POLR3C: variants seen among roughly 807,000 people sequenced by gnomAD.
POLR3C encodes the protein DNA-directed RNA polymerase III subunit RPC3.
In POLR3C, 44 loss-of-function variants were observed where a neutral mutation model predicts 65.9. The observed-to-expected ratio is 0.67, with a 90% CI of 0.52 to 0.86. The LOEUF (loss-of-function observed/expected upper bound fraction) is 0.86. POLR3C is among the 40% of genes least tolerant of loss of function. POLR3C has a pLI of 0.00. For synonymous variants in POLR3C, 263 were observed against 231.6 expected, an observed-to-expected ratio of 1.14 and a Z score of -1.23; for missense variants, 576 against 653.2, an observed-to-expected ratio of 0.88 and a Z score of 1.29.
At chr1:145,836,945 G>T in intron 9 of POLR3C, 79 bp downstream of exon 9, 2 of 736,396 alleles carry the variant, frequency 2.7e-6, no homozygotes, top group Admixed American at 2.5e-5. Flanking sequence ...AGAAAGATTT[G>T]GTAATGTTTA....
At chr1:145,827,484 G>C (rs1389556456) in intron 4 of POLR3C, among the ~76,000 whole-genome samples, 3 of 152,136 alleles carry the variant, frequency 2.0e-5, no homozygotes, top group African/African-American at 7.2e-5. Context: ...AGGTAGCCGG[G>C]CATGGTGGTT....
At chr1:145,833,992 A>C (rs1386115594) in intron 7 of POLR3C, among the ~76,000 whole-genome samples, 1 of 152,194 alleles carries the variant, frequency 6.6e-6, no homozygotes, top group African/African-American at 2.4e-5. Context: ...ATACATTCTG[A>C]GAAATGTGTC....
Position 145,836,569 on chromosome 1 carries a change from G to A in POLR3C, c.952G>A (p.Asp318Asn), listed in dbSNP as rs782595002. ...LDQYLTLLADDPLEFVGKSGD... is the reference protein window; with the variant it reads ...LDQYLTLLADNPLEFVGKSGD... ...TCAGTATCTCACTCTGCTGGCAGAT[G>A]ATCCAGTAAGTCTGTTTTTGCTTTT... Residue 318 changes from aspartate (D) to asparagine (N), a missense_variant, in exon 8 of 15, where the codon GAT (aspartate) becomes AAT (asparagine). By Grantham distance (23) the Asp-to-Asn change is conservative (BLOSUM62 1). Transcript: ENST00000334163. 4 of 1,596,148 alleles carry A rather than the reference G, an allele frequency of 2.5e-6. No individual in the cohort carries two copies. The highest frequency in any genetic ancestry group is 3.4e-6 in the Non-Finnish European group (4 of 1,163,770).
intron 8 of POLR3C, 76 bp downstream of exon 8, chr1:145,836,650 T>G (rs1553728762): frequency 1.0e-6 from 1 of 998,694 alleles, no homozygotes; most frequent in East Asian, 2.4e-5. Context: ...TGATACCTAG[T>G]GTCATCCTCC....
intron 7 of POLR3C, among the ~76,000 whole-genome samples, chr1:145,836,268 G>C (rs1651829464): frequency 1.3e-5 from 2 of 151,976 alleles, no homozygotes; most frequent in African/African-American, 2.4e-5. Flanking sequence ...TTACAGGCAT[G>C]CGCCACCACG....
intron 7 of POLR3C, among the ~76,000 whole-genome samples, chr1:145,835,159 A>G: frequency 6.6e-6 from 1 of 151,024 alleles, no homozygotes; most frequent in East Asian, 1.9e-4. Context: ...AAAAAAAAAA[A>G]AAAAAAAGGC....
intron 7 of POLR3C, among the ~76,000 whole-genome samples, chr1:145,836,120 T>C (rs12143699): frequency 1.5e-5 from 2 of 134,776 alleles, no homozygotes; most frequent in Admixed American, 7.5e-5. Flanking sequence ...AAATTAAAAC[T>C]TTTTTTTTTT....
intron 10 of POLR3C, 115 bp from the exon 11 acceptor site, chr1:145,837,941 C>A: frequency 1.1e-6 from 1 of 908,644 alleles, no homozygotes; most frequent in Non-Finnish European, 1.7e-6. Flanking sequence ...TTTCTGATCA[C>A]TGTTCCTGTC....
In POLR3C at chr1:145,837,629, ATACT is replaced by A. The variant is rs782654384; in HGVS notation, c.1070+35_1070+38del. 3.3e-4 allele frequency: 436 copies of A among 1,333,396 alleles called. 2 individuals are homozygous for A. In the African/African-American group the frequency reaches 5.8e-3, roughly 18 times the overall value. 82.6% of individuals were successfully genotyped at this position (1,333,396 alleles called of 1,614,324 possible). On this transcript the variant is annotated intron_variant, in intron 10 of 14. Transcript: ENST00000334163. The stretch of plus-strand genomic sequence containing the variant: ...GGACACTGGTTGGGTTTGGGATCAC[ATACT>A]TCCTATCCCCAGTGAAGTAATTTGA...
chr1:145,840,931 A>G lies in POLR3C; in HGVS notation c.1383A>G (p.Leu461=), dbSNP rs1553730330. ...TGTGTTTGTTTGACAGGCGTCTACT[A>G]GAAAAATCTCAGAGGGTAGAAGCCA... ...QFETKENKRL[L]EKSQRVEAII... is the part of the protein sequence containing the mutation. The change falls in exon 14 of 15, where the codon CTA becomes CTG. Residue 461 remains leucine (L), a synonymous_variant. Coordinates refer to ENST00000334163, the MANE Select transcript of POLR3C (RefSeq NM_006468.8). The G allele has an allele frequency of 1.2e-6, 2 of 1,613,024 alleles. No individual in the cohort carries two copies. The highest frequency in any genetic ancestry group is 8.5e-7 in the Non-Finnish European group (1 of 1,179,136).
rs587596549 is a variant in POLR3C, at chr1:145,832,145, A to G, written c.679-1115A>G. Among the ~76,000 whole-genome samples the G allele has an allele frequency of 1.7e-3, 262 of 152,382 alleles. 1 individual carries two copies. The highest frequency in any genetic ancestry group is 6.2e-3 in the African/African-American group (256 of 41,590). ...TGCTTCCAAAAGGTTAAATAAGATC[A>G]GAAGTGGAAATTATTATTTGAACTT... On this transcript the variant is annotated intron_variant, in intron 5 of 14. Transcript: ENST00000334163.
At chr1:145,825,639 G>A in intron 1 of POLR3C, 118 bp from the exon 2 acceptor site, 1 of 530,984 alleles carries the variant, frequency 1.9e-6, no homozygotes, top group South Asian at 3.6e-5. Context: ...GATTTTTAAG[G>A]CTTTTTGATA....
chr1:145,828,897 A>T lies in POLR3C; in HGVS notation c.678+60A>T, dbSNP rs1570725382. Reference sequence around the variant, plus strand: ...GAAGCAGGCCAGAAAGAGCACTCAGATAACAAGCCCCAAGAGAGCTTAAAG... The same window carrying T: ...GAAGCAGGCCAGAAAGAGCACTCAGTTAACAAGCCCCAAGAGAGCTTAAAG... On this transcript the variant is annotated intron_variant, in intron 5 of 14. Transcript: ENST00000334163. The T allele has an allele frequency of 4.5e-6, 4 of 887,226 alleles. No individual in the cohort carries two copies. In the Admixed American group the frequency reaches 7.1e-5, roughly 16 times the overall value. The allele number at this position is 887,226 out of a possible 1,614,324, so 55.0% of individuals were successfully genotyped here.
chr1:145,834,181 T>C (rs1651590809), intron 7 of POLR3C, among the ~76,000 whole-genome samples: 1 of 152,200 alleles, frequency 6.6e-6, no homozygotes, highest in Non-Finnish European at 1.5e-5. Flanking sequence ...AGCATCTGTG[T>C]ATCTAAACAT....
chr1:145,831,812 C>T (rs587666944), intron 5 of POLR3C, among the ~76,000 whole-genome samples: 39 of 152,232 alleles, frequency 2.6e-4, no homozygotes, highest in Non-Finnish European at 4.9e-4. Context: ...AAGGCCAAGG[C>T]GGGCAGATCG....
chr1:145,829,477 A>G (rs782615859), intron 5 of POLR3C, among the ~76,000 whole-genome samples: 7 of 152,346 alleles, frequency 4.6e-5, no homozygotes, highest in South Asian at 2.1e-4. Context: ...GCTTTCGTTA[A>G]TGGTCTCCCT....
At chr1:145,827,374 T>C (rs1486977901) in intron 4 of POLR3C, among the ~76,000 whole-genome samples, 4 of 152,138 alleles carry the variant, frequency 2.6e-5, no homozygotes, top group Non-Finnish European at 4.4e-5. Context: ...ATGGAGACTT[T>C]GGGAGACTGA....
intron 11 of POLR3C, among the ~76,000 whole-genome samples, chr1:145,839,304 C>G (rs1443777790): frequency 1.3e-5 from 2 of 151,972 alleles, no homozygotes; most frequent in African/African-American, 4.8e-5. Flanking sequence ...TTGTAAAGAT[C>G]AAATAGAATT....
Position 145,824,280 on chromosome 1 carries a change from G to C in POLR3C, c.-110G>C. The C allele has an allele frequency of 3.4e-6, 1 of 290,788 alleles. No individual in the cohort carries two copies. The highest frequency in any genetic ancestry group is 6.8e-6 in the Non-Finnish European group (1 of 147,792). 18.0% of individuals were successfully genotyped at this position (290,788 alleles called of 1,614,324 possible). On this transcript the variant is annotated 5_prime_UTR_variant, in exon 1 of 15. Transcript: ENST00000334163. ...TAGAAAGGGCGGTGGGCTCCACCTCGGCCTAGAAGGCCAGCGGGAGCCGTA... is the reference window on the plus strand; with the variant it reads ...TAGAAAGGGCGGTGGGCTCCACCTCCGCCTAGAAGGCCAGCGGGAGCCGTA...
Sources: gnomAD v4.1 joint callset for allele counts (sites outside exome capture counted in the v4.1 genomes callset) on GRCh38, gnomAD v4.1.1 for gene constraint, MANE v1.5 for transcripts, NCBI Gene and HGNC (gene_info 2026-07-23, HGNC 2026-07-21) for gene names.